Variants in GRHL2 observed in about 807,000 individuals in gnomAD.
The protein encoded by GRHL2 is grainyhead-like protein 2 homolog.
GRHL2 carries 21 observed loss-of-function variants against 83.8 expected under a neutral mutation model. That is an observed-to-expected ratio of 0.25 (90% CI 0.18 to 0.36). GRHL2 has a LOEUF of 0.36. Ranked by LOEUF, GRHL2 falls within the 10% of genes least tolerant of loss-of-function variation. GRHL2 has a pLI of 1.00. For synonymous variants in GRHL2, 280 were observed against 278.9 expected (o/e 1.00, Z -0.04); for missense variants, 623 against 781.8 (o/e 0.80, Z 2.42).
chr8:101,674,559 G>A (rs62517406), downstream of GRHL2, among the ~76,000 whole-genome samples: 9 of 152,264 alleles, frequency 5.9e-5, no homozygotes, highest in East Asian at 5.8e-4. Flanking sequence ...AATTGAGGCA[G>A]TAATCAATAG....
chr8:101,545,443 GAAAAAAAAAAAAAAAAA>G (rs34421761), intron 2 of GRHL2, among the ~76,000 whole-genome samples: 1,036 of 59,016 alleles, frequency 0.018, 30 homozygotes, highest in African/African-American at 0.063. Flanking sequence ...GGGAATTCCT[GAAAAAAAAAAAAAAAAA>G]AAAAAAAAAA....
chr8:101,563,399 G>T (rs543216824), intron 4 of GRHL2, among the ~76,000 whole-genome samples: 3 of 151,966 alleles, frequency 2.0e-5, no homozygotes, highest in East Asian at 1.9e-4. Flanking sequence ...AGTACAAAAG[G>T]TTGATGAGCA....
chr8:101,504,244 C>A (rs1450662679), intron 1 of GRHL2, among the ~76,000 whole-genome samples: 1 of 152,160 alleles, frequency 6.6e-6, no homozygotes, highest in African/African-American at 2.4e-5. Context: ...CTGTGCTATT[C>A]CTTAGTGACC....
At chr8:101,522,779 A>G (rs1355892856) in intron 1 of GRHL2, among the ~76,000 whole-genome samples, 2 of 151,236 alleles carry the variant, frequency 1.3e-5, no homozygotes, top group Non-Finnish European at 2.9e-5. Flanking sequence ...ATATATATAA[A>G]CATCTATATC....
chr8:101,602,775 T>C (rs961268081), intron 8 of GRHL2, among the ~76,000 whole-genome samples: 1 of 152,248 alleles, frequency 6.6e-6, no homozygotes, highest in Non-Finnish European at 1.5e-5. Context: ...TGAGTTTTCA[T>C]GCCCAACTAT....
intron 8 of GRHL2, among the ~76,000 whole-genome samples, chr8:101,615,169 T>C (rs529600446): frequency 6.6e-6 from 1 of 152,300 alleles, no homozygotes; most frequent in East Asian, 1.9e-4. Context: ...TACTGGGTGG[T>C]TGGTTTTTAT....
intron 14 of GRHL2, among the ~76,000 whole-genome samples, chr8:101,652,317 TGC>T (rs983888023): frequency 7.2e-6 from 1 of 139,826 alleles, no homozygotes; most frequent in African/African-American, 2.9e-5. Flanking sequence ...GTAGTGTGTG[TGC>T]GTGTGTGTGT....
In GRHL2 at chr8:101,666,830, C is replaced by T; in HGVS notation, c.*127C>T. 1.4e-6 allele frequency: 1 copy of T among 723,354 alleles called. No individual in the cohort carries two copies. The highest frequency in any genetic ancestry group is 2.5e-6 in the Non-Finnish European group (1 of 395,502). The allele number at this position is 723,354 out of a possible 1,614,324, so 44.8% of individuals were successfully genotyped here. On this transcript the variant is annotated 3_prime_UTR_variant, in exon 16 of 16. Transcript: ENST00000646743. ...TCACAACTGCTGTTACAAGACCGTG[C>T]TGGGGAGTGGGGCAAGGGACAGGCC... is the stretch of plus-strand genomic sequence containing the variant.
intron 14 of GRHL2, among the ~76,000 whole-genome samples, chr8:101,659,915 T>A (rs879546483): frequency 2.0e-4 from 30 of 152,220 alleles, no homozygotes; most frequent in African/African-American, 6.0e-4. Flanking sequence ...TAAAGGAATT[T>A]GATATTCTAA....
intron 11 of GRHL2, among the ~76,000 whole-genome samples, chr8:101,635,508 A>C (rs908507373): frequency 6.6e-6 from 1 of 152,230 alleles, no homozygotes; most frequent in African/African-American, 2.4e-5. Context: ...TAGATACACT[A>C]TGCCATGTTT....
At chr8:101,540,230 T>C (rs1298425760) in intron 1 of GRHL2, among the ~76,000 whole-genome samples, 1 of 152,234 alleles carries the variant, frequency 6.6e-6, no homozygotes, top group Non-Finnish European at 1.5e-5. Context: ...ATTATTTTAT[T>C]TGATCTTCAT....
At chr8:101,512,741 G>C (rs117710611) in intron 1 of GRHL2, among the ~76,000 whole-genome samples, 1 of 152,354 alleles carries the variant, frequency 6.6e-6, no homozygotes, top group Non-Finnish European at 1.5e-5. Context: ...GGGATTGGCA[G>C]AGGATGCTTT....
chr8:101,632,628 TAACC>T (rs1371296789), intron 11 of GRHL2, among the ~76,000 whole-genome samples: 1 of 152,246 alleles, frequency 6.6e-6, no homozygotes, highest in East Asian at 1.9e-4. Flanking sequence ...AGAAGGCTGA[TAACC>T]TGTAAGAAGT....
chr8:101,657,566 C>T (rs1813820439), intron 14 of GRHL2, among the ~76,000 whole-genome samples: 1 of 152,104 alleles, frequency 6.6e-6, no homozygotes. Context: ...AAAGGCCGGG[C>T]GTAGTGGCTC....
chr8:101,601,326 G>A (rs9649994), intron 8 of GRHL2, among the ~76,000 whole-genome samples: 77,984 of 151,666 alleles, frequency 0.51, 21,911 homozygotes, highest in African/African-American at 0.75. Flanking sequence ...GTGGGTGAAT[G>A]CTTTAACTGT....
chr8:101,679,497 C>G, the GRHL2 span, among the ~76,000 whole-genome samples: 2 of 149,400 alleles, frequency 1.3e-5, no homozygotes, highest in Admixed American at 6.6e-5. Context: ...TTGGAAAACA[C>G]TCTGCAGGAT....
intron 4 of GRHL2, among the ~76,000 whole-genome samples, chr8:101,559,394 G>T (rs563096835): frequency 6.7e-6 from 1 of 148,238 alleles, no homozygotes; most frequent in East Asian, 2.0e-4. Flanking sequence ...GCCAGGCCTG[G>T]TGGCAGGCAC....
chr8:101,594,754 A>C (rs1812357135), intron 7 of GRHL2, among the ~76,000 whole-genome samples: 1 of 152,186 alleles, frequency 6.6e-6, no homozygotes, highest in African/African-American at 2.4e-5. Context: ...TAGAATGCCT[A>C]AGGATCCATC....
At chr8:101,674,430 C>T (rs953010236), downstream of GRHL2, among the ~76,000 whole-genome samples, 1 of 152,104 alleles carries the variant, frequency 6.6e-6, no homozygotes, top group African/African-American at 2.4e-5. Flanking sequence ...CTACAAACAC[C>T]TCTACGCAAA....
Sources: gnomAD v4.1 joint callset for allele counts (sites outside exome capture counted in the v4.1 genomes callset) on GRCh38, gnomAD v4.1.1 for gene constraint, MANE v1.5 for transcripts, NCBI Gene and HGNC (gene_info 2026-07-23, HGNC 2026-07-21) for gene names.